The following TXK variants were observed in gnomAD, a reference collection of about 807,000 sequenced individuals.
TXK encodes TXK tyrosine kinase, also known as tyrosine-protein kinase TXK.
TXK carries 60 observed loss-of-function variants against 81.0 expected under a neutral mutation model. The observed-to-expected ratio is 0.74, with a 90% CI of 0.60 to 0.92. The LOEUF is 0.92. Ranked by LOEUF, TXK falls within the 40% of genes least tolerant of loss-of-function variation. TXK has a pLI of 0.00. For synonymous variants in TXK, 203 were observed against 210.7 expected, an observed-to-expected ratio of 0.96 and a Z score of 0.32; for missense variants, 581 against 638.3, an observed-to-expected ratio of 0.91 and a Z score of 0.97.
At chr4:48,102,493 C>T (rs571602117) in intron 6 of TXK, among the ~76,000 whole-genome samples, 6 of 152,342 alleles carry the variant, frequency 3.9e-5, no homozygotes, top group Non-Finnish European at 1.5e-5. Context: ...TACTTGCCAC[C>T]TGCTGGCAAG....
intron 11 of TXK, among the ~76,000 whole-genome samples, chr4:48,078,913 AAGAG>A (rs1717176222): frequency 6.6e-6 from 1 of 152,216 alleles, no homozygotes; most frequent in African/African-American, 2.4e-5. Flanking sequence ...TATGGGTTGA[AAGAG>A]AGAAAGGTGG....
chr4:48,071,396 T>C, intron 14 of TXK, 121 bp downstream of exon 14: 5 of 991,856 alleles, frequency 5.0e-6, no homozygotes, highest in Non-Finnish European at 7.5e-6. Flanking sequence ...CTCAGGATCA[T>C]GACCAAGACA....
rs891146615 is a variant in TXK, at chr4:48,115,707, T to G, written c.17-1305A>C. Among the ~76,000 whole-genome samples the G allele has an allele frequency of 2.6e-5, 4 of 151,944 alleles. No individual in the cohort carries two copies. The South Asian group carries it at 6.2e-4, about 24-fold the overall frequency. On this transcript the variant is annotated intron_variant, in intron 1 of 14. Transcript: ENST00000264316. ...ACCCCAAAAAACTTTTTAAAAAAAT[T>G]AGCCAGGCATGGTGGTGCATGCCTG...
At chr4:48,070,809 C>T (rs1490331814) in intron 14 of TXK, among the ~76,000 whole-genome samples, 1 of 151,558 alleles carries the variant, frequency 6.6e-6, no homozygotes, top group Non-Finnish European at 1.5e-5. Context: ...AAACTCCTGA[C>T]CTCAAGTGAT....
intron 6 of TXK, among the ~76,000 whole-genome samples, chr4:48,099,478 A>T (rs1396067173): frequency 6.6e-6 from 1 of 152,182 alleles, no homozygotes; most frequent in Non-Finnish European, 1.5e-5. Context: ...CCCAAACCTC[A>T]TTGATTTGTA....
At chr4:48,107,822 G>A (rs947722040) in intron 5 of TXK, among the ~76,000 whole-genome samples, 27 of 151,622 alleles carry the variant, frequency 1.8e-4, no homozygotes, top group Non-Finnish European at 2.9e-5. Context: ...CAGCACTTTG[G>A]GAGGTAGAGG....
intron 5 of TXK, among the ~76,000 whole-genome samples, chr4:48,107,984 T>C (rs564801834): frequency 2.7e-5 from 4 of 149,474 alleles, no homozygotes; most frequent in Admixed American, 2.7e-4. Flanking sequence ...GGCAGGAGAA[T>C]GGCGTGAACC....
intron 1 of TXK, among the ~76,000 whole-genome samples, chr4:48,125,729 C>T (rs2109485225): frequency 6.6e-6 from 1 of 152,290 alleles, no homozygotes; most frequent in East Asian, 1.9e-4. Context: ...TCAGGGTGAA[C>T]ACAGAGAGAG....
Position 48,073,091 on chromosome 4 carries a change from A to ATTTT in TXK, c.1357+840_1357+843dup, listed in dbSNP as rs33919573. Among the ~76,000 whole-genome samples the ATTTT allele has an allele frequency of 7.3e-4, 100 of 136,958 alleles. 1 individual carries two copies. The highest frequency in any genetic ancestry group is 2.1e-3 in the East Asian group (10 of 4,666). The allele number at this position is 136,958 out of a possible 152,430, so 89.8% of individuals were successfully genotyped here. On this transcript the variant is annotated intron_variant, in intron 13 of 14. Transcript: ENST00000264316. ...AGGTATATGCCACCACACCTGGCTA[A>ATTTT]TTTTTTTTTTTTTTTTGTAAAGACA... is the stretch of plus-strand genomic sequence containing the variant.
chr4:48,121,304 C>A (rs969873454), intron 1 of TXK, among the ~76,000 whole-genome samples: 1 of 152,190 alleles, frequency 6.6e-6, no homozygotes, highest in Admixed American at 6.5e-5. Flanking sequence ...TTCTTCCTCC[C>A]TCCCCAAACA....
rs1417776042 is a variant in TXK, at chr4:48,133,307, G to C, written c.16+848C>G. On this transcript the variant is annotated intron_variant, in intron 1 of 14. Coordinates refer to ENST00000264316, the MANE Select transcript of TXK (RefSeq NM_003328.3). Reference sequence around the variant, plus strand: ...AAACCAAGGATCTTCACAGATAACAGTGTCTAGGGAATCTTTCTCTGTTCT... The same window carrying C: ...AAACCAAGGATCTTCACAGATAACACTGTCTAGGGAATCTTTCTCTGTTCT... 2.6e-5 allele frequency among the ~76,000 whole-genome samples: 4 copies of C among 152,116 alleles called. No individual in the cohort carries two copies. In the East Asian group the frequency reaches 7.7e-4, roughly 29 times the overall value.
chr4:48,088,189 C>A (rs1267585919), intron 9 of TXK, among the ~76,000 whole-genome samples: 2 of 152,070 alleles, frequency 1.3e-5, no homozygotes, highest in African/African-American at 4.8e-5. Context: ...AGGTATGGAG[C>A]CGCTAGAACT....
At chr4:48,100,028 C>T (rs1718129555) in intron 6 of TXK, among the ~76,000 whole-genome samples, 1 of 151,470 alleles carries the variant, frequency 6.6e-6, no homozygotes, top group Non-Finnish European at 1.5e-5. Flanking sequence ...AAAAATTAGC[C>T]GGGCGCAGTG....
chr4:48,095,947 T>C (rs1384701450), intron 6 of TXK, among the ~76,000 whole-genome samples: 1 of 152,248 alleles, frequency 6.6e-6, no homozygotes, highest in Non-Finnish European at 1.5e-5. Context: ...TTAGCTTTAC[T>C]GAGTGTGCTT....
intron 9 of TXK, among the ~76,000 whole-genome samples, chr4:48,088,792 T>C (rs1483778859): frequency 1.3e-5 from 2 of 152,210 alleles, no homozygotes; most frequent in African/African-American, 4.8e-5. Flanking sequence ...GCACCAATAA[T>C]AGCCAGAAAT....
At position 48,094,147 on chromosome 4, in the gene TXK, C is replaced by A. The variant is rs201323270; in HGVS notation, c.639G>T (p.Trp213Cys). Residue 213 changes from tryptophan (W) to cysteine (C), a missense_variant, in exon 8 of 15, where the codon TGG becomes TGT. Coordinates refer to ENST00000264316, the MANE Select transcript of TXK (RefSeq NM_003328.3). ...YQIKKNDSGQ[W>C]YVAERHAFQS... ...GAAAGGCGTGTCTTTCAGCCACATA[C>A]CACTGTCCTGAGTCATTCTTTTTTA... is the stretch of plus-strand genomic sequence containing the variant. 3.8e-4 allele frequency: 612 copies of A among 1,613,744 alleles called. No individual in the cohort carries two copies. The highest frequency in any genetic ancestry group is 4.8e-4 in the Non-Finnish European group (571 of 1,179,998).
chr4:48,083,737 C>T (rs184494085), intron 10 of TXK, among the ~76,000 whole-genome samples: 175 of 152,292 alleles, frequency 1.1e-3, no homozygotes, highest in African/African-American at 4.1e-3. Flanking sequence ...CCAGGTTAAA[C>T]AGGAGAAATA....
At chr4:48,085,005 A>G (rs921538946) in intron 10 of TXK, among the ~76,000 whole-genome samples, 1 of 152,210 alleles carries the variant, frequency 6.6e-6, no homozygotes, top group Non-Finnish European at 1.5e-5. Flanking sequence ...TTCTCTGGAA[A>G]ACAGAGCAGA....
In TXK at chr4:48,067,515, G is replaced by A; in HGVS notation, c.*122C>T. On this transcript the variant is annotated 3_prime_UTR_variant, in exon 15 of 15. Coordinates refer to ENST00000264316, the MANE Select transcript of TXK (RefSeq NM_003328.3). ...TTTTAAAAACTGTGATCTTTGCACTGTTTTCAAGAGTCAGCAACTCTGAAG... is the reference window on the plus strand; with the variant it reads ...TTTTAAAAACTGTGATCTTTGCACTATTTTCAAGAGTCAGCAACTCTGAAG... 1 of 1,021,822 alleles carries A rather than the reference G, an allele frequency of 9.8e-7. No homozygotes were observed. The allele number at this position is 1,021,822 out of a possible 1,614,324, so 63.3% of individuals were successfully genotyped here.
Sources: allele counts gnomAD v4.1 joint callset (sites outside exome capture counted in the v4.1 genomes callset), GRCh38; gene constraint gnomAD v4.1.1; transcripts MANE v1.5; gene names NCBI Gene and HGNC (gene_info 2026-07-23, HGNC 2026-07-21).